Variants in RALYL observed in about 807,000 individuals in gnomAD.
The protein encoded by RALYL is RNA-binding Raly-like protein.
RALYL carries 29 observed loss-of-function variants against 35.1 expected under a neutral mutation model. That is an observed-to-expected ratio of 0.83 (90% CI 0.61 to 1.13). RALYL has a LOEUF of 1.13. RALYL is among the 50% of genes most tolerant of loss of function. The pLI is 0.00. For missense variants in RALYL, 359 were observed against 360.4 expected (o/e 1.00, Z 0.03); for synonymous variants, 120 against 127.6 (o/e 0.94, Z 0.40).
chr8:84,317,877 TTCTC>T (rs959728229), intron 1 of RALYL, among the ~76,000 whole-genome samples: 2 of 152,190 alleles, frequency 1.3e-5, no homozygotes, highest in Admixed American at 1.3e-4. Context: ...CTTCTTTTTA[TTCTC>T]TCTTTCTACC....
chr8:84,894,999 A>G (rs1288322128), intron 8 of RALYL, among the ~76,000 whole-genome samples: 1 of 152,180 alleles, frequency 6.6e-6, no homozygotes, highest in South Asian at 2.1e-4. Flanking sequence ...AGGGTTGACA[A>G]TAATATGTGT....
intron 1 of RALYL, among the ~76,000 whole-genome samples, chr8:84,307,608 G>A (rs1402754074): frequency 6.6e-6 from 1 of 152,218 alleles, no homozygotes; most frequent in East Asian, 1.9e-4. Context: ...AGGCCAGAAG[G>A]AGAATAGAAC....
At chr8:84,530,871 C>A (rs926204603) in intron 2 of RALYL, among the ~76,000 whole-genome samples, 19 of 152,110 alleles carry the variant, frequency 1.2e-4, no homozygotes, top group African/African-American at 4.6e-4. Context: ...CTTGATAATG[C>A]CTCAAGCATT....
intron 8 of RALYL, among the ~76,000 whole-genome samples, chr8:84,903,688 A>G (rs1846060409): frequency 6.6e-6 from 1 of 152,174 alleles, no homozygotes; most frequent in Non-Finnish European, 1.5e-5. Context: ...ATTTTTGTGT[A>G]GGGTGGGCCA....
rs117961128 is a variant in RALYL, at chr8:84,397,579, G to A, written c.-23-131720G>A. 2.0e-3 allele frequency among the ~76,000 whole-genome samples: 302 copies of A among 151,844 alleles called. 1 individual carries two copies. The highest frequency in any genetic ancestry group is 3.4e-3 in the Middle Eastern group (1 of 292). ...CAAAGCAATACAAAAGCAGGTACTC[G>A]TGTAACCTAGGCCAGAACCACCACA... On this transcript the variant is annotated intron_variant, in intron 1 of 8. Coordinates refer to ENST00000521268, the MANE Select transcript of RALYL (RefSeq NM_173848.7).
intron 1 of RALYL, among the ~76,000 whole-genome samples, chr8:84,189,068 T>C (rs1242092432): frequency 1.3e-5 from 2 of 152,146 alleles, no homozygotes; most frequent in East Asian, 3.9e-4. Flanking sequence ...ATTTACATTT[T>C]CTGGGCTGTC....
At chr8:84,570,224 G>A (rs1807600553) in intron 2 of RALYL, among the ~76,000 whole-genome samples, 1 of 151,636 alleles carries the variant, frequency 6.6e-6, no homozygotes, top group African/African-American at 2.4e-5. Context: ...ATGAGCATGG[G>A]ATTTTTTTAT....
chr8:84,318,299 G>A (rs1259328434), intron 1 of RALYL, among the ~76,000 whole-genome samples: 2 of 152,110 alleles, frequency 1.3e-5, no homozygotes, highest in Non-Finnish European at 2.9e-5. Context: ...CTTTTCTGTT[G>A]CTCTCAGAAT....
intron 1 of RALYL, among the ~76,000 whole-genome samples, chr8:84,329,098 T>C (rs1476070439): frequency 6.6e-6 from 1 of 152,092 alleles, no homozygotes; most frequent in Non-Finnish European, 1.5e-5. Context: ...GGTGGAATGA[T>C]TTATTTTTTG....
At chr8:84,382,923 C>T (rs1457311636) in intron 1 of RALYL, among the ~76,000 whole-genome samples, 1 of 151,712 alleles carries the variant, frequency 6.6e-6, no homozygotes, top group Non-Finnish European at 1.5e-5. Context: ...AGAATTTTCC[C>T]ACTGAGAGTG....
intron 7 of RALYL, among the ~76,000 whole-genome samples, chr8:84,880,605 A>G (rs927202099): frequency 6.6e-6 from 1 of 151,908 alleles, no homozygotes; most frequent in Non-Finnish European, 1.5e-5. Flanking sequence ...CCAAACCCTC[A>G]TCATCTCTCA....
intron 1 of RALYL, among the ~76,000 whole-genome samples, chr8:84,251,444 G>A (rs1830172580): frequency 6.6e-6 from 1 of 151,836 alleles, no homozygotes. Flanking sequence ...CACCACTTTT[G>A]AATTACGGTC....
intron 2 of RALYL, among the ~76,000 whole-genome samples, chr8:84,639,387 C>T (rs1825848043): frequency 6.6e-6 from 1 of 151,802 alleles, no homozygotes; most frequent in African/African-American, 2.4e-5. Context: ...TGTTTTGTTA[C>T]AACAAGCCTT....
intron 1 of RALYL, among the ~76,000 whole-genome samples, chr8:84,390,240 T>C: frequency 6.6e-6 from 1 of 152,146 alleles, no homozygotes; most frequent in Non-Finnish European, 1.5e-5. Flanking sequence ...TGGATTCAGT[T>C]TGCCAGTATT....
chr8:84,667,149 T>TTTA (rs1832241547), intron 2 of RALYL, among the ~76,000 whole-genome samples: 1 of 152,140 alleles, frequency 6.6e-6, no homozygotes, highest in Admixed American at 6.6e-5. Flanking sequence ...ATGGATTTTT[T>TTTA]GCTTATTTTG....
chr8:84,495,573 A>G (rs747039656), intron 1 of RALYL, among the ~76,000 whole-genome samples: 3 of 152,114 alleles, frequency 2.0e-5, no homozygotes, highest in Non-Finnish European at 4.4e-5. Flanking sequence ...TTCCTGGCAT[A>G]CGGAAGCTTT....
At chr8:84,740,375 G>A (rs967873473) in intron 2 of RALYL, among the ~76,000 whole-genome samples, 1 of 151,986 alleles carries the variant, frequency 6.6e-6, no homozygotes, top group East Asian at 1.9e-4. Context: ...GAGAAACAAA[G>A]AGGGCGGAAT....
chr8:84,682,432 T>G (rs1472618166), intron 2 of RALYL, among the ~76,000 whole-genome samples: 1 of 152,242 alleles, frequency 6.6e-6, no homozygotes, highest in Non-Finnish European at 1.5e-5. Context: ...CTTTTCCTTT[T>G]ACCTCTGGTA....
At chr8:84,817,617 G>A (rs1013194198) in intron 4 of RALYL, among the ~76,000 whole-genome samples, 2 of 151,798 alleles carry the variant, frequency 1.3e-5, no homozygotes, top group Admixed American at 6.6e-5. Context: ...GTGCAGTGGT[G>A]CAATCACAGT....
Sources: allele counts gnomAD v4.1 joint callset (sites outside exome capture counted in the v4.1 genomes callset), GRCh38; gene constraint gnomAD v4.1.1; transcripts MANE v1.5; gene names NCBI Gene and HGNC (gene_info 2026-07-23, HGNC 2026-07-21).